Variants in TBC1D2 observed in about 807,000 individuals in gnomAD.
TBC1D2 encodes TBC1 domain family member 2, also known as TBC1 domain family member 2A.
In TBC1D2, 58 loss-of-function variants were observed where a neutral mutation model predicts 91.1. The ratio of observed to expected loss-of-function variants is 0.64; its 90% CI spans 0.52 to 0.79. The LOEUF (loss-of-function observed/expected upper bound fraction) is 0.79, where lower values mean the gene tolerates loss of function less well. Ranked by LOEUF, TBC1D2 falls within the 30% of genes least tolerant of loss-of-function variation. TBC1D2 has a pLI of 0.00. For missense variants in TBC1D2, 1,080 were observed against 1,208.3 expected (o/e 0.89, Z 1.57); for synonymous variants, 482 against 511.5 (o/e 0.94, Z 0.78).
rs1322113766 is a variant in TBC1D2, at chr9:98,255,591, G to C, written c.-50C>G. On this transcript the variant is annotated 5_prime_UTR_variant, in exon 1 of 13. Coordinates refer to ENST00000465784, the MANE Select transcript of TBC1D2 (RefSeq NM_001267571.2). ...GGACGAGGGGTCCGCGGGACCACCA[G>C]GGACAAATCTCGGAGACTCGGCGGG... 3.4e-6 allele frequency: 5 copies of C among 1,449,900 alleles called. No homozygotes were observed. The highest frequency in any genetic ancestry group is 4.5e-6 in the Non-Finnish European group (5 of 1,105,700). 89.8% of individuals were successfully genotyped at this position (1,449,900 alleles called of 1,614,324 possible).
At chr9:98,227,910 G>C (rs1190338096) in intron 5 of TBC1D2, among the ~76,000 whole-genome samples, 1 of 152,268 alleles carries the variant, frequency 6.6e-6, no homozygotes, top group Non-Finnish European at 1.5e-5. Flanking sequence ...ACTAGGTATA[G>C]GGAGAGCATT....
intron 6 of TBC1D2, among the ~76,000 whole-genome samples, chr9:98,219,311 G>C (rs760449425): frequency 6.6e-6 from 1 of 152,192 alleles, no homozygotes. Flanking sequence ...AAGCTTGGGT[G>C]GTGGCCACTG....
chr9:98,246,344 T>C (rs1588065453), intron 2 of TBC1D2, among the ~76,000 whole-genome samples: 3 of 152,260 alleles, frequency 2.0e-5, no homozygotes, highest in African/African-American at 7.2e-5. Context: ...GGGGAGCTGT[T>C]CAACCTACCT....
intron 9 of TBC1D2, 73 bp downstream of exon 9, chr9:98,208,595 C>T: frequency 2.8e-6 from 4 of 1,451,446 alleles, no homozygotes; most frequent in Non-Finnish European, 3.7e-6. Flanking sequence ...GGCTGCCTGT[C>T]CACAGTCTGA....
In TBC1D2 at chr9:98,220,740, C is replaced by A. The variant is rs1250556657; in HGVS notation, c.1374+93G>T. On this transcript the variant is annotated intron_variant, in intron 6 of 12. Transcript: ENST00000465784. ...AGGATGAAGGGGTATCCCCACTCCACCTAGCAAACCCTTAGGGGTGGAGAG... is the reference window on the plus strand; with the variant it reads ...AGGATGAAGGGGTATCCCCACTCCAACTAGCAAACCCTTAGGGGTGGAGAG... The A allele has an allele frequency of 3.3e-6, 5 of 1,503,722 alleles. No homozygotes were observed. In the East Asian group the frequency reaches 9.1e-5, roughly 27 times the overall value. The allele number at this position is 1,503,722 out of a possible 1,614,324, so 93.1% of individuals were successfully genotyped here. A position where few individuals can be genotyped will look rare whatever the true frequency, so the allele number is the denominator to read the frequency against.
intron 3 of TBC1D2, among the ~76,000 whole-genome samples, chr9:98,241,696 T>C (rs143054618): frequency 1.3e-5 from 2 of 152,288 alleles, no homozygotes; most frequent in Non-Finnish European, 2.9e-5. Context: ...GCTGGCTGGA[T>C]AGCTGGACTT....
At chr9:98,225,984 G>T (rs957283150) in intron 5 of TBC1D2, among the ~76,000 whole-genome samples, 3 of 152,228 alleles carry the variant, frequency 2.0e-5, no homozygotes, top group African/African-American at 7.2e-5. Context: ...ACACAGGAAG[G>T]TACCTCGCAG....
At chr9:98,251,696 G>A in intron 2 of TBC1D2, 89 bp downstream of exon 2, 1 of 1,450,316 alleles carries the variant, frequency 6.9e-7, no homozygotes, top group Non-Finnish European at 9.1e-7. Flanking sequence ...CCTTAGCAGA[G>A]GGCTCCTCCC....
intron 4 of TBC1D2, among the ~76,000 whole-genome samples, chr9:98,230,936 G>A (rs992831753): frequency 1.3e-5 from 2 of 152,160 alleles, no homozygotes; most frequent in African/African-American, 2.4e-5. Context: ...GAACAGTCTT[G>A]TTCCAGATCG....
intron 9 of TBC1D2, among the ~76,000 whole-genome samples, chr9:98,207,974 A>G (rs1828698740): frequency 6.6e-6 from 1 of 152,112 alleles, no homozygotes; most frequent in Non-Finnish European, 1.5e-5. Context: ...CCCTTGTAAC[A>G]TTTAGAAAGT....
At chr9:98,208,590 C>T in intron 9 of TBC1D2, 78 bp downstream of exon 9, 1 of 1,427,762 alleles carries the variant, frequency 7.0e-7, no homozygotes, top group Non-Finnish European at 9.5e-7. Flanking sequence ...CAGATGGCTG[C>T]CTGTCCACAG....
intron 10 of TBC1D2, 75 bp from the exon 11 acceptor site, chr9:98,201,739 C>A: frequency 7.0e-7 from 1 of 1,436,372 alleles, no homozygotes. Context: ...AGCCTTCCTA[C>A]CCAGTCAGTC....
At chr9:98,216,730 G>T (rs1828979506) in intron 6 of TBC1D2, among the ~76,000 whole-genome samples, 1 of 151,692 alleles carries the variant, frequency 6.6e-6, no homozygotes, top group East Asian at 1.9e-4. Context: ...TTAGAGAAAG[G>T]GTCTCACTTT....
intron 6 of TBC1D2, among the ~76,000 whole-genome samples, chr9:98,220,580 TAGCCCAGGATACC>T (rs1472874205): frequency 6.6e-6 from 1 of 152,124 alleles, no homozygotes; most frequent in Non-Finnish European, 1.5e-5. Context: ...CACTTTTCAG[TAGCCCAGGATACC>T]AGGGCTACTG....
intron 5 of TBC1D2, among the ~76,000 whole-genome samples, chr9:98,223,310 C>T (rs568603877): frequency 6.6e-6 from 1 of 152,242 alleles, no homozygotes; most frequent in Non-Finnish European, 1.5e-5. Flanking sequence ...AGCTACAGCC[C>T]CAGTAAAGAC....
intron 11 of TBC1D2, among the ~76,000 whole-genome samples, chr9:98,200,701 G>T (rs1178955397): frequency 1.3e-5 from 2 of 152,154 alleles, no homozygotes; most frequent in Non-Finnish European, 2.9e-5. Context: ...GTATCTTTAC[G>T]TGGGGCTTTG....
intron 6 of TBC1D2, among the ~76,000 whole-genome samples, chr9:98,217,893 T>G (rs1480332185): frequency 6.6e-6 from 1 of 152,108 alleles, no homozygotes; most frequent in Non-Finnish European, 1.5e-5. Flanking sequence ...TATTTTATTT[T>G]TTTTTAGAGA....
At chr9:98,226,679 T>C (rs73657122) in intron 5 of TBC1D2, among the ~76,000 whole-genome samples, 2,385 of 152,274 alleles carry the variant, frequency 0.016, 59 homozygotes, top group African/African-American at 0.055. Flanking sequence ...TTGGATAAAC[T>C]AAATAAATCA....
intron 2 of TBC1D2, among the ~76,000 whole-genome samples, chr9:98,247,305 G>A (rs1417338410): frequency 6.8e-6 from 1 of 147,830 alleles, no homozygotes; most frequent in Non-Finnish European, 1.5e-5. Flanking sequence ...CCAGCAGCCT[G>A]TGTGACAGGG....
Sources: allele counts gnomAD v4.1 joint callset (sites outside exome capture counted in the v4.1 genomes callset), GRCh38; gene constraint gnomAD v4.1.1; transcripts MANE v1.5; gene names NCBI Gene and HGNC (gene_info 2026-07-23, HGNC 2026-07-21).